The following DPY19L1 variants were observed in gnomAD, a reference collection of about 807,000 sequenced individuals.
The protein encoded by DPY19L1 is protein C-mannosyl-transferase DPY19L1.
A neutral mutation model predicts 96.9 loss-of-function variants in DPY19L1; 35 were observed. The ratio of observed to expected loss-of-function variants is 0.36; its 90% CI spans 0.28 to 0.48. The LOEUF is 0.48. Among genes scored for constraint, DPY19L1 ranks in the 20% least tolerant of loss-of-function variants. The pLI is 0.99. For synonymous variants in DPY19L1, 205 were observed against 252.6 expected (o/e 0.81, Z 1.79); for missense variants, 521 against 777.9 (o/e 0.67, Z 3.93).
chr7:35,036,745 A>G (rs2128685552), intron 1 of DPY19L1, among the ~76,000 whole-genome samples: 1 of 152,166 alleles, frequency 6.6e-6, no homozygotes, highest in Non-Finnish European at 1.5e-5. Flanking sequence ...GGCCGAGATA[A>G]CGGGAAGGCG....
intron 1 of DPY19L1, among the ~76,000 whole-genome samples, chr7:35,026,255 G>C (rs1183528474): frequency 6.6e-6 from 1 of 152,204 alleles, no homozygotes; most frequent in Non-Finnish European, 1.5e-5. Flanking sequence ...CCTGGGAGTA[G>C]CTGGAAATGC....
At chr7:35,012,069 G>T (rs1018313492) in intron 4 of DPY19L1, among the ~76,000 whole-genome samples, 1 of 152,240 alleles carries the variant, frequency 6.6e-6, no homozygotes, top group African/African-American at 2.4e-5. Flanking sequence ...GTGCCTGAAA[G>T]CTTGAAGCTG....
At chr7:34,998,572 A>G (rs1263155836) in intron 6 of DPY19L1, among the ~76,000 whole-genome samples, 1 of 152,196 alleles carries the variant, frequency 6.6e-6, no homozygotes, top group Non-Finnish European at 1.5e-5. Flanking sequence ...ACTGACGTGA[A>G]GAATCAGATA....
intron 6 of DPY19L1, among the ~76,000 whole-genome samples, chr7:35,009,782 A>G (rs1009547192): frequency 2.6e-5 from 4 of 152,168 alleles, no homozygotes; most frequent in African/African-American, 9.7e-5. Flanking sequence ...TTTTTACACC[A>G]AAACTACAGT....
chr7:34,955,195 A>G (rs1265835459), intron 12 of DPY19L1, 113 bp downstream of exon 12: 2 of 1,327,530 alleles, frequency 1.5e-6, no homozygotes, highest in African/African-American at 3.0e-5. Context: ...AAATACTATA[A>G]AACTGTTGGA....
At chr7:34,950,748 T>C (rs1344316923) in intron 13 of DPY19L1, among the ~76,000 whole-genome samples, 5 of 151,920 alleles carry the variant, frequency 3.3e-5, no homozygotes, top group African/African-American at 1.2e-4. Flanking sequence ...GCATAAGAAA[T>C]CAATAGGAAG....
intron 7 of DPY19L1, among the ~76,000 whole-genome samples, chr7:34,976,464 T>C (rs770318465): frequency 6.6e-6 from 1 of 152,228 alleles, no homozygotes; most frequent in African/African-American, 2.4e-5. Flanking sequence ...GTGAAGATAC[T>C]GTAAACATTG....
chr7:34,946,366 T>C (rs1476296690), intron 15 of DPY19L1, among the ~76,000 whole-genome samples: 1 of 152,228 alleles, frequency 6.6e-6, no homozygotes, highest in Non-Finnish European at 1.5e-5. Flanking sequence ...TTGGCCATGA[T>C]TCTAAGGAGC....
chr7:34,932,152 A>G (rs1783765911), intron 21 of DPY19L1, among the ~76,000 whole-genome samples: 1 of 152,246 alleles, frequency 6.6e-6, no homozygotes, highest in Admixed American at 6.5e-5. Context: ...CCATTCACAC[A>G]GAAAAACGTA....
intron 7 of DPY19L1, among the ~76,000 whole-genome samples, chr7:34,986,350 C>G (rs1785046272): frequency 6.6e-6 from 1 of 152,042 alleles, no homozygotes; most frequent in Admixed American, 6.5e-5. Flanking sequence ...TGTTAACTTG[C>G]TTGATTGACT....
At chr7:34,954,463 C>T (rs772043560) in intron 13 of DPY19L1, 8 of 276,606 alleles carry the variant, frequency 2.9e-5, no homozygotes, top group South Asian at 1.7e-4. Flanking sequence ...AGTTTTCCTG[C>T]GTTAAAATTT....
chr7:35,027,314 T>A (rs1397091285), intron 1 of DPY19L1, among the ~76,000 whole-genome samples: 1 of 152,192 alleles, frequency 6.6e-6, no homozygotes, highest in Admixed American at 6.5e-5. Flanking sequence ...CACGCTGGGC[T>A]TTGTACTCTC....
chr7:34,997,772 A>G (rs1202865991), intron 6 of DPY19L1, among the ~76,000 whole-genome samples: 1 of 152,188 alleles, frequency 6.6e-6, no homozygotes, highest in Admixed American at 6.5e-5. Flanking sequence ...AAATAATGGA[A>G]GCAAAACTGG....
chr7:34,968,552 C>G (rs968323583), intron 9 of DPY19L1, among the ~76,000 whole-genome samples: 2 of 151,982 alleles, frequency 1.3e-5, no homozygotes, highest in Non-Finnish European at 2.9e-5. Context: ...GGGTGGATCA[C>G]GAAGTCAGGA....
At chr7:34,968,855 G>C (rs1784666428) in intron 9 of DPY19L1, among the ~76,000 whole-genome samples, 1 of 150,458 alleles carries the variant, frequency 6.6e-6, no homozygotes, top group African/African-American at 2.4e-5. Flanking sequence ...TAGTACGCAG[G>C]GAGAAAAATG....
rs748147037 is a variant in DPY19L1, at chr7:34,929,531, C to T, written c.*2042G>A. On this transcript the variant is annotated 3_prime_UTR_variant, in exon 22 of 22. Coordinates refer to ENST00000638088, the MANE Select transcript of DPY19L1 (RefSeq NM_001366673.1). ...ATTTCTACTTATTACATGTGAACTT[C>T]TTTGGAAGGAAATTACTGGGGGTGA... 1 of 152,098 alleles carries T rather than the reference C, an allele frequency of 6.6e-6. No individual in the cohort carries two copies. Among genetic ancestry groups the T allele is most frequent in the Admixed American group, 6.5e-5 (1 of 15,268 alleles). 9.4% of individuals were successfully genotyped at this position (152,098 alleles called of 1,614,324 possible).
chr7:34,937,550 C>T lies in DPY19L1; in HGVS notation c.2090+444G>A, dbSNP rs114191932. Among the ~76,000 whole-genome samples the T allele has an allele frequency of 4.5e-3, 685 of 152,128 alleles. 10 individuals are homozygous for T. The highest frequency in any genetic ancestry group is 0.015 in the African/African-American group (629 of 41,490). The stretch of plus-strand genomic sequence containing the variant: ...TTATCAACTAGTGCCAATAAAATCT[C>T]TTTAAGGTAGTATACACATACAAAT... On this transcript the variant is annotated intron_variant, in intron 21 of 21. Coordinates refer to ENST00000638088, the MANE Select transcript of DPY19L1 (RefSeq NM_001366673.1).
At chr7:34,994,735 T>A (rs1222918040) in intron 6 of DPY19L1, among the ~76,000 whole-genome samples, 3 of 149,590 alleles carry the variant, frequency 2.0e-5, no homozygotes, top group Non-Finnish European at 4.4e-5. Context: ...ACCCAGGAGG[T>A]GGAGCTTGCA....
At chr7:34,939,204 T>G (rs1470174924) in intron 20 of DPY19L1, 72 bp downstream of exon 20, 2 of 1,326,058 alleles carry the variant, frequency 1.5e-6, no homozygotes, top group African/African-American at 2.9e-5. Context: ...CCTTATTACT[T>G]TGCTGGTGTC....
Sources: gnomAD v4.1 joint callset for allele counts (sites outside exome capture counted in the v4.1 genomes callset) on GRCh38, gnomAD v4.1.1 for gene constraint, MANE v1.5 for transcripts, NCBI Gene and HGNC (gene_info 2026-07-23, HGNC 2026-07-21) for gene names.